Variants in MARCHF6 observed in about 807,000 individuals in gnomAD.
MARCHF6 encodes the protein E3 ubiquitin-protein ligase MARCHF6.
In MARCHF6, 31 loss-of-function variants were observed where a neutral mutation model predicts 133.7. The observed-to-expected ratio is 0.23, with a 90% confidence interval of 0.17 to 0.31. MARCHF6 has a LOEUF of 0.31. Ranked by LOEUF, MARCHF6 falls within the 10% of genes least tolerant of loss-of-function variation. The pLI, the probability that MARCHF6 is intolerant of heterozygous loss-of-function variation, is 1.00. For missense variants in MARCHF6, 723 were observed against 1,121.6 expected, an observed-to-expected ratio of 0.64 and a Z score of 5.08; for synonymous variants, 395 against 402.5, an observed-to-expected ratio of 0.98 and a Z score of 0.22.
chr5:10,417,218 G>A (rs1003444062), intron 21 of MARCHF6, 52 bp from the exon 22 acceptor site: 3 of 1,582,016 alleles, frequency 1.9e-6, no homozygotes, highest in Non-Finnish European at 2.6e-6. Context: ...TGGAAATAGA[G>A]TTTGGCTCAG....
chr5:10,408,200 C>G (rs1249540336), intron 17 of MARCHF6, among the ~76,000 whole-genome samples: 2 of 152,204 alleles, frequency 1.3e-5, no homozygotes, highest in Non-Finnish European at 2.9e-5. Context: ...CTTCCTCTTG[C>G]TCTCCATTCA....
At position 10,429,876 on chromosome 5, in the gene MARCHF6, C is replaced by CT; in HGVS notation, c.2507-11dup. ...TATTTCACATACACTGAAAGTTTTT[C>CT]TTTTTTGGTTTTCTAGGTGTTACTG... is the stretch of plus-strand genomic sequence containing the variant. On this transcript the variant is annotated splice_polypyrimidine_tract_variant and intron_variant, in intron 24 of 25. Coordinates refer to ENST00000274140, the MANE Select transcript of MARCHF6 (RefSeq NM_005885.4). The CT allele has an allele frequency of 6.2e-7, 1 of 1,603,740 alleles. No individual in the cohort carries two copies. The highest frequency in any genetic ancestry group is 8.5e-7 in the Non-Finnish European group (1 of 1,172,810).
chr5:10,402,303 A>G, intron 12 of MARCHF6, 81 bp from the exon 13 acceptor site: 1 of 1,330,198 alleles, frequency 7.5e-7, no homozygotes, highest in South Asian at 1.2e-5. Flanking sequence ...ATTCTGTCAA[A>G]AAATACTAAA....
rs954427027 is a variant in MARCHF6 at position 10,440,000 on chromosome 5, A to G, written c.*6316A>G. 6.6e-6 allele frequency: 1 copy of G among 152,250 alleles called. No individual in the cohort carries two copies. Among genetic ancestry groups the G allele is most frequent in the African/African-American group, 2.4e-5 (1 of 41,448 alleles). The allele number at this position is 152,250 out of a possible 1,614,324, so 9.4% of individuals were successfully genotyped here. The stretch of plus-strand genomic sequence containing the variant: ...CTGAGGCTTATCTAAAGCTGCAGCT[A>G]CTGGGGCATTCCTGTCTCATCTCCC... On this transcript the variant is annotated 3_prime_UTR_variant, in exon 26 of 26. Transcript: ENST00000274140.
intron 1 of MARCHF6, among the ~76,000 whole-genome samples, chr5:10,356,592 C>T (rs1006081006): frequency 2.6e-5 from 4 of 151,854 alleles, no homozygotes; most frequent in African/African-American, 9.7e-5. Context: ...GATGGGGTTT[C>T]GCCATGTTGG....
intron 14 of MARCHF6, 105 bp downstream of exon 14, chr5:10,402,712 T>C (rs146838904): frequency 7.4e-5 from 76 of 1,033,230 alleles, no homozygotes; most frequent in Non-Finnish European, 1.1e-4. Context: ...TTTGATAATT[T>C]GCTTATTCTT....
chr5:10,410,097 T>C, intron 17 of MARCHF6, 42 bp from the exon 18 acceptor site: 1 of 1,602,462 alleles, frequency 6.2e-7, no homozygotes, highest in Non-Finnish European at 8.5e-7. Context: ...ATAGTAGTCA[T>C]ATGCAAAATA....
intron 3 of MARCHF6, 93 bp from the exon 4 acceptor site, chr5:10,381,707 T>C (rs1358101138): frequency 4.6e-5 from 44 of 963,612 alleles, no homozygotes; most frequent in Non-Finnish European, 6.1e-6. Flanking sequence ...ACAAGGCAAA[T>C]ATTGGAAGTT....
intron 1 of MARCHF6, among the ~76,000 whole-genome samples, chr5:10,369,603 ACC>A (rs58947018): frequency 0.022 from 592 of 26,492 alleles, 6 homozygotes; most frequent in African/African-American, 0.05. Context: ...TAGTTCCATT[ACC>A]CCCCCCCCCC....
chr5:10,397,445 T>A, intron 10 of MARCHF6, 101 bp downstream of exon 10: 1 of 862,658 alleles, frequency 1.2e-6, no homozygotes, highest in Non-Finnish European at 1.8e-6. Flanking sequence ...AACATAGAAA[T>A]AAATACTAAG....
chr5:10,389,349 T>C (rs1737673017), intron 5 of MARCHF6, among the ~76,000 whole-genome samples: 2 of 152,238 alleles, frequency 1.3e-5, no homozygotes, highest in African/African-American at 4.8e-5. Context: ...GAGAAACTAA[T>C]ACACTTTTGG....
At chr5:10,376,855 A>AGTC (rs1736814843) in intron 1 of MARCHF6, among the ~76,000 whole-genome samples, 1 of 152,216 alleles carries the variant, frequency 6.6e-6, no homozygotes, top group Non-Finnish European at 1.5e-5. Context: ...GATTGTAGTA[A>AGTC]GTCGTCGTTA....
intron 21 of MARCHF6, among the ~76,000 whole-genome samples, 159 bp downstream of exon 21, chr5:10,415,828 GC>G (rs1478493588): frequency 6.6e-6 from 1 of 152,066 alleles, no homozygotes; most frequent in Non-Finnish European, 1.5e-5. Context: ...CAAGATAGTG[GC>G]TTTCTGGTTC....
chr5:10,424,982 T>G (rs1170093401), intron 23 of MARCHF6, among the ~76,000 whole-genome samples: 1 of 152,256 alleles, frequency 6.6e-6, no homozygotes, highest in East Asian at 1.9e-4. Flanking sequence ...ATTTTGCTGC[T>G]ACTTTACGCT....
chr5:10,433,995 A>C lies in MARCHF6; in HGVS notation c.*311A>C, dbSNP rs1740489797. On this transcript the variant is annotated 3_prime_UTR_variant, in exon 26 of 26. Coordinates refer to ENST00000274140, the MANE Select transcript of MARCHF6 (RefSeq NM_005885.4). ...TATTAATTTATTAAATCTAGTTGTC[A>C]CTTTATTTTGGACCTGCTGTGATCT... 2 of 284,178 alleles carry C rather than the reference A, an allele frequency of 7.0e-6. No homozygotes were observed. Among genetic ancestry groups the C allele is most frequent in the Non-Finnish European group, 1.4e-5 (2 of 146,652 alleles). The allele number at this position is 284,178 out of a possible 1,614,324, so 17.6% of individuals were successfully genotyped here. A position where few individuals can be genotyped will look rare whatever the true frequency, so the allele number is the denominator to read the frequency against.
chr5:10,381,135 A>T (rs751673943), intron 3 of MARCHF6, among the ~76,000 whole-genome samples: 1 of 152,110 alleles, frequency 6.6e-6, no homozygotes, highest in South Asian at 2.1e-4. Context: ...GAGGTTTTTG[A>T]TAATAGGCAG....
intron 22 of MARCHF6, among the ~76,000 whole-genome samples, chr5:10,418,265 A>G (rs1739629709): frequency 6.6e-6 from 1 of 151,944 alleles, no homozygotes; most frequent in Non-Finnish European, 1.5e-5. Context: ...ATGTGGTCCC[A>G]GCTACTCGAG....
chr5:10,427,379 G>C (rs1579621756), intron 24 of MARCHF6, among the ~76,000 whole-genome samples: 1 of 151,998 alleles, frequency 6.6e-6, no homozygotes, highest in Non-Finnish European at 1.5e-5. Context: ...TTTTTTCATT[G>C]GTTCCTCTGT....
At chr5:10,432,680 C>G (rs377741179) in intron 25 of MARCHF6, among the ~76,000 whole-genome samples, 7 of 152,368 alleles carry the variant, frequency 4.6e-5, no homozygotes, top group African/African-American at 1.7e-4. Flanking sequence ...TGCCTTGTTT[C>G]TGCAGCCCTG....
Sources: gnomAD v4.1 joint callset for allele counts (sites outside exome capture counted in the v4.1 genomes callset) on GRCh38, gnomAD v4.1.1 for gene constraint, MANE v1.5 for transcripts, NCBI Gene and HGNC (gene_info 2026-07-23, HGNC 2026-07-21) for gene names.